DENND1B: variants seen among roughly 807,000 people sequenced by gnomAD.
The protein encoded by DENND1B is DENN domain containing 1B, also known as DENN domain-containing protein 1B.
In DENND1B, 59 loss-of-function variants were observed where a neutral mutation model predicts 90.1. The observed-to-expected ratio is 0.65, with a 90% CI of 0.53 to 0.81. The LOEUF is 0.81. DENND1B is among the 40% of genes least tolerant of loss of function. DENND1B has a pLI of 0.00. For synonymous variants in DENND1B, 337 were observed against 324.6 expected, an observed-to-expected ratio of 1.04 and a Z score of -0.41; for missense variants, 862 against 912.6, an observed-to-expected ratio of 0.94 and a Z score of 0.71.
At chr1:197,636,293 G>A (rs905745595) in intron 10 of DENND1B, among the ~76,000 whole-genome samples, 4 of 152,184 alleles carry the variant, frequency 2.6e-5, no homozygotes, top group East Asian at 3.9e-4. Context: ...AGAGATAATC[G>A]ACTAGACCTG....
chr1:197,608,755 A>G (rs942209087), intron 12 of DENND1B, among the ~76,000 whole-genome samples: 3 of 150,554 alleles, frequency 2.0e-5, no homozygotes, highest in Non-Finnish European at 4.5e-5. Context: ...TTATCACTCA[A>G]CTCAGAACAA....
At chr1:197,605,568 A>G (rs2125833530) in intron 13 of DENND1B, 1 of 151,236 alleles carries the variant, frequency 6.6e-6, no homozygotes. Context: ...AGCATTCTTA[A>G]AAGTTGGGAT....
chr1:197,754,099 A>G (rs1653941703), intron 2 of DENND1B, among the ~76,000 whole-genome samples: 1 of 151,966 alleles, frequency 6.6e-6, no homozygotes, highest in Non-Finnish European at 1.5e-5. Flanking sequence ...TTATTTTAAT[A>G]ATATTTCAAT....
chr1:197,668,613 C>G (rs1035799755), intron 5 of DENND1B, among the ~76,000 whole-genome samples: 3 of 151,444 alleles, frequency 2.0e-5, no homozygotes, highest in Non-Finnish European at 4.4e-5. Flanking sequence ...GCATGTTACT[C>G]TCATTGTTTG....
intron 20 of DENND1B, among the ~76,000 whole-genome samples, chr1:197,526,764 G>A (rs984663935): frequency 6.6e-6 from 1 of 152,114 alleles, no homozygotes; most frequent in Non-Finnish European, 1.5e-5. Context: ...TTTTAAAAAT[G>A]AAGTCCAAGC....
intron 10 of DENND1B, among the ~76,000 whole-genome samples, chr1:197,633,195 C>G (rs571095046): frequency 4.6e-5 from 7 of 152,024 alleles, no homozygotes. Context: ...GTGAGAATGT[C>G]TACATTTGTA....
At chr1:197,659,679 ATAAC>A (rs1654212763) in intron 5 of DENND1B, among the ~76,000 whole-genome samples, 2 of 152,176 alleles carry the variant, frequency 1.3e-5, no homozygotes, top group African/African-American at 4.8e-5. Flanking sequence ...AAGCAGAAAG[ATAAC>A]TAACAGCAGA....
chr1:197,716,583 A>C (rs1235843943), intron 2 of DENND1B, among the ~76,000 whole-genome samples: 1 of 151,898 alleles, frequency 6.6e-6, no homozygotes, highest in Admixed American at 6.6e-5. Context: ...TAGCTGCTAA[A>C]ATTTGAATCT....
chr1:197,704,874 G>C (rs541569969), intron 3 of DENND1B, among the ~76,000 whole-genome samples: 1 of 151,922 alleles, frequency 6.6e-6, no homozygotes, highest in South Asian at 2.1e-4. Context: ...AAATTTAAGA[G>C]TAAACGCTTT....
intron 3 of DENND1B, among the ~76,000 whole-genome samples, chr1:197,686,559 G>A (rs1279383683): frequency 2.6e-5 from 4 of 151,876 alleles, no homozygotes; most frequent in African/African-American, 7.3e-5. Context: ...GTGACACCTC[G>A]CTCAATGACT....
chr1:197,573,629 C>G (rs567241032), intron 15 of DENND1B, among the ~76,000 whole-genome samples: 154 of 152,106 alleles, frequency 1.0e-3, no homozygotes, highest in Non-Finnish European at 1.5e-3. Flanking sequence ...GATACCAAAG[C>G]CTGGCAAAGA....
chr1:197,646,917 T>G (rs747565584), intron 8 of DENND1B, 138 bp downstream of exon 8: 20 of 591,474 alleles, frequency 3.4e-5, no homozygotes, highest in Non-Finnish European at 5.1e-5. Flanking sequence ...TATTATATAT[T>G]CCAAATGATT....
chr1:197,715,023 G>C lies in DENND1B; in HGVS notation c.126+8C>G. On this transcript the variant is annotated splice_region_variant and intron_variant, in intron 3 of 22. Coordinates refer to ENST00000620048, the MANE Select transcript of DENND1B (RefSeq NM_001195215.2). ...TTTAAATTTTTTAAAAAATTATGTG[G>C]TACCAACCTGGTCTCCAAAGTCCTC... The C allele has an allele frequency of 6.2e-7, 1 of 1,606,970 alleles. No homozygotes were observed. Among genetic ancestry groups the C allele is most frequent in the Non-Finnish European group, 8.5e-7 (1 of 1,174,676 alleles).
At chr1:197,552,032 T>G (rs1338347213) in intron 16 of DENND1B, among the ~76,000 whole-genome samples, 1 of 152,150 alleles carries the variant, frequency 6.6e-6, no homozygotes, top group African/African-American at 2.4e-5. Flanking sequence ...ATCTCAATGG[T>G]TTCTATATTT....
At chr1:197,590,944 A>C (rs970962190) in intron 14 of DENND1B, among the ~76,000 whole-genome samples, 13 of 152,204 alleles carry the variant, frequency 8.5e-5, no homozygotes, top group Non-Finnish European at 1.8e-4. Context: ...TACAACACTA[A>C]GCACTGCATT....
chr1:197,510,496 G>A lies in DENND1B; in HGVS notation c.2292C>T (p.Asn764=). Reference sequence around the variant, plus strand: ...TTCCATTTGTGTTTTTGTCTGAAATGTTCAAGCTTTGTTGGAAGTCAGATG... The same window carrying A: ...TTCCATTTGTGTTTTTGTCTGAAATATTCAAGCTTTGTTGGAAGTCAGATG... The part of the protein sequence containing the change: ...HMTSDFQQSL[N]ISDKNTNGNQ... The change falls in exon 23 of 23, where the codon AAC becomes AAT. Residue 764 remains asparagine, a synonymous_variant. Transcript: ENST00000620048. 6.2e-7 allele frequency: 1 copy of A among 1,610,546 alleles called. No individual in the cohort carries two copies.
intron 2 of DENND1B, among the ~76,000 whole-genome samples, chr1:197,755,366 T>C (rs550339272): frequency 2.9e-4 from 44 of 151,916 alleles, no homozygotes; most frequent in African/African-American, 1.0e-3. Flanking sequence ...AAATTAGTAG[T>C]AGTGGAAGTA....
chr1:197,625,270 T>C (rs1325210896), intron 10 of DENND1B, among the ~76,000 whole-genome samples: 5 of 151,974 alleles, frequency 3.3e-5, no homozygotes, highest in Non-Finnish European at 7.4e-5. Flanking sequence ...GAGAGAAAGG[T>C]CGGGTTACCC....
intron 18 of DENND1B, chr1:197,545,504 C>G (rs1670743183): frequency 5.8e-6 from 1 of 171,764 alleles, no homozygotes; most frequent in Admixed American, 6.4e-5. Context: ...TGGAGACTCA[C>G]TGAAGAATGT....
Sources: gnomAD v4.1 joint callset for allele counts (sites outside exome capture counted in the v4.1 genomes callset) on GRCh38, gnomAD v4.1.1 for gene constraint, MANE v1.5 for transcripts, NCBI Gene and HGNC (gene_info 2026-07-23, HGNC 2026-07-21) for gene names.